The following RNF8 variants were observed in gnomAD, a reference collection of about 807,000 sequenced individuals.
RNF8 encodes the protein ring finger protein 8, also known as E3 ubiquitin-protein ligase RNF8.
A neutral mutation model predicts 59.3 loss-of-function variants in RNF8; 8 were observed. The ratio of observed to expected loss-of-function variants is 0.13; its 90% CI spans 0.08 to 0.24. The LOEUF (loss-of-function observed/expected upper bound fraction) is 0.24, where lower values mean the gene tolerates loss of function less well. RNF8 is among the 10% of genes least tolerant of loss of function. RNF8 has a pLI of 1.00. For missense variants in RNF8, 406 were observed against 572.6 expected, an observed-to-expected ratio of 0.71 and a Z score of 2.97; for synonymous variants, 162 against 200.0, an observed-to-expected ratio of 0.81 and a Z score of 1.60.
In RNF8 at chr6:37,392,161, GTACT is replaced by G. The variant is rs1399957976; in HGVS notation, c.*1408_*1411del. On this transcript the variant is annotated 3_prime_UTR_variant, in exon 8 of 8. Transcript: ENST00000373479. Reference sequence around the variant, plus strand: ...TAAATGTGGAAAAAATGCTTTAAAAGTACTTACTATAACCACATCATAAGAATTC... The same window carrying G: ...TAAATGTGGAAAAAATGCTTTAAAAGTACTATAACCACATCATAAGAATTC... The G allele has an allele frequency of 3.5e-6, 1 of 283,364 alleles. No homozygotes were observed. The highest frequency in any genetic ancestry group is 6.5e-6 in the Non-Finnish European group (1 of 154,172). 17.6% of individuals were successfully genotyped at this position (283,364 alleles called of 1,614,324 possible).
chr6:37,358,263 A>G (rs1401625912), intron 1 of RNF8, among the ~76,000 whole-genome samples: 1 of 152,230 alleles, frequency 6.6e-6, no homozygotes, highest in East Asian at 1.9e-4. Flanking sequence ...ACTAAAGAGT[A>G]GAAGGGCTCA....
In RNF8 at chr6:37,354,144, G is replaced by GC. The variant is rs1562081031; in HGVS notation, c.-16dup. 6 of 1,558,516 alleles carry GC rather than the reference G, an allele frequency of 3.8e-6. No homozygotes were observed. Among genetic ancestry groups the GC allele is most frequent in the Non-Finnish European group, 5.2e-6 (6 of 1,150,788 alleles). On this transcript the variant is annotated 5_prime_UTR_variant, in exon 1 of 8. Coordinates refer to ENST00000373479, the MANE Select transcript of RNF8 (RefSeq NM_003958.4). ...GTCAGGGTCTCGCTCGGTGCTGACC[G>GC]CCCCCGGGGTCGAGTAGGCGATGGG...
chr6:37,364,002 A>G (rs937989200), intron 2 of RNF8, among the ~76,000 whole-genome samples: 1 of 151,854 alleles, frequency 6.6e-6, no homozygotes, highest in Middle Eastern at 3.2e-3. Context: ...ACATGGTGAA[A>G]CCCCGTCTCT....
intron 4 of RNF8, 41 bp downstream of exon 4, chr6:37,371,615 G>T: frequency 1.3e-6 from 2 of 1,550,834 alleles, no homozygotes; most frequent in Admixed American, 3.3e-5. Flanking sequence ...GGGCTGTGGA[G>T]TGGGGAGCAA....
At chr6:37,376,296 T>C (rs938938274) in intron 5 of RNF8, among the ~76,000 whole-genome samples, 1 of 152,200 alleles carries the variant, frequency 6.6e-6, no homozygotes, top group Non-Finnish European at 1.5e-5. Context: ...ATTTGATTAA[T>C]TTTGGGGAAG....
At position 37,392,986 on chromosome 6, in the gene RNF8, T is replaced by G. The variant is rs1452498202; in HGVS notation, c.*2228T>G. 5.1e-6 allele frequency: 1 copy of G among 194,604 alleles called. No homozygotes were observed. Among genetic ancestry groups the G allele is most frequent in the Non-Finnish European group, 1.0e-5 (1 of 97,076 alleles). The allele number at this position is 194,604 out of a possible 1,614,324, so 12.1% of individuals were successfully genotyped here. A position where few individuals can be genotyped will look rare whatever the true frequency, so the allele number is the denominator to read the frequency against. ...GACATCTTGACTTGAGCCTGAAGACTATGTACAGAGACTGACCTCACAGAC... is the reference window on the plus strand; with the variant it reads ...GACATCTTGACTTGAGCCTGAAGACGATGTACAGAGACTGACCTCACAGAC... On this transcript the variant is annotated 3_prime_UTR_variant, in exon 8 of 8. Transcript: ENST00000373479.
chr6:37,376,851 A>C, intron 5 of RNF8, 75 bp from the exon 6 acceptor site: 1 of 872,556 alleles, frequency 1.1e-6, no homozygotes, highest in Non-Finnish European at 2.0e-6. Context: ...CTTCTAAATA[A>C]TTGACCCTGC....
In RNF8 at chr6:37,394,203, G is replaced by C. The variant is rs1333888375; in HGVS notation, c.*3445G>C. ...ATACAGACTTGTTCATAGGTGTGGGGCCTGATTGGAACAGGATCTGCCATT... is the reference window on the plus strand; with the variant it reads ...ATACAGACTTGTTCATAGGTGTGGGCCCTGATTGGAACAGGATCTGCCATT... On this transcript the variant is annotated 3_prime_UTR_variant, in exon 8 of 8. Transcript: ENST00000373479. The C allele has an allele frequency of 6.6e-6, 1 of 152,172 alleles. No individual in the cohort carries two copies. Among genetic ancestry groups the C allele is most frequent in the Admixed American group, 6.5e-5 (1 of 15,280 alleles). 9.4% of individuals were successfully genotyped at this position (152,172 alleles called of 1,614,324 possible).
chr6:37,386,012 T>G (rs2113834556), intron 7 of RNF8, among the ~76,000 whole-genome samples: 1 of 152,132 alleles, frequency 6.6e-6, no homozygotes, highest in South Asian at 2.1e-4. Context: ...TTTTTTGTAT[T>G]TTTTGTAGAG....
chr6:37,364,135 G>A (rs540406869), intron 2 of RNF8, among the ~76,000 whole-genome samples: 1 of 146,678 alleles, frequency 6.8e-6, no homozygotes, highest in Non-Finnish European at 1.5e-5. Context: ...GCCGAGATCA[G>A]GCCATTGCAC....
chr6:37,378,467 G>A (rs1440592579), intron 6 of RNF8, among the ~76,000 whole-genome samples: 2 of 151,908 alleles, frequency 1.3e-5, no homozygotes, highest in African/African-American at 2.4e-5. Context: ...CAAGCATGGT[G>A]GCATGCACCT....
chr6:37,384,358 C>G (rs1395148618), intron 7 of RNF8, among the ~76,000 whole-genome samples: 1 of 152,102 alleles, frequency 6.6e-6, no homozygotes, highest in African/African-American at 2.4e-5. Context: ...CCAGGCTGGT[C>G]TCCCAACTCC....
intron 6 of RNF8, among the ~76,000 whole-genome samples, chr6:37,377,960 G>A (rs966332910): frequency 1.3e-5 from 2 of 152,296 alleles, no homozygotes; most frequent in South Asian, 2.1e-4. Context: ...GACCACAGAT[G>A]TTAAATTCAA....
chr6:37,374,873 T>G (rs1018285069), intron 5 of RNF8, among the ~76,000 whole-genome samples, 164 bp downstream of exon 5: 7 of 152,252 alleles, frequency 4.6e-5, no homozygotes, highest in African/African-American at 1.4e-4. Context: ...AGGTTCTGCC[T>G]GTCAGACAAC....
chr6:37,366,985 T>C (rs1769582634), intron 2 of RNF8, among the ~76,000 whole-genome samples: 1 of 152,228 alleles, frequency 6.6e-6, no homozygotes, highest in South Asian at 2.1e-4. Flanking sequence ...CATTTGCTCA[T>C]TTGTGCCCTT....
intron 2 of RNF8, chr6:37,361,486 C>A: frequency 2.7e-6 from 1 of 369,646 alleles, no homozygotes; most frequent in Non-Finnish European, 5.3e-6. Flanking sequence ...CTGTCGCTAT[C>A]AAAAAGAAAA....
chr6:37,359,315 C>T (rs1769231011), intron 1 of RNF8: 1 of 393,616 alleles, frequency 2.5e-6, no homozygotes, highest in Admixed American at 3.4e-5. Flanking sequence ...AATGCAAAGA[C>T]TTTTGGTTGA....
chr6:37,360,691 C>T lies in RNF8; in HGVS notation c.240+117C>T, dbSNP rs1446409806. ...AAAGTATAACTTCTTCTTTCCTAGC[C>T]ATCCAGTTCCCTTTTCCAGAGGCAG... On this transcript the variant is annotated intron_variant, in intron 2 of 7. Coordinates refer to ENST00000373479, the MANE Select transcript of RNF8 (RefSeq NM_003958.4). The surrounding 1 kb of genome is among the most constrained non-coding windows in gnomAD (Gnocchi z 4.2). 2 of 1,027,170 alleles carry T rather than the reference C, an allele frequency of 1.9e-6. No homozygotes were observed. Among genetic ancestry groups the T allele is most frequent in the Admixed American group, 2.9e-5 (1 of 34,126 alleles). 63.6% of individuals were successfully genotyped at this position (1,027,170 alleles called of 1,614,324 possible).
At chr6:37,364,178 CAAAAAAAA>C (rs35915593) in intron 2 of RNF8, among the ~76,000 whole-genome samples, 1 of 82,320 alleles carries the variant, frequency 1.2e-5, no homozygotes, top group African/African-American at 5.0e-5. Context: ...GACTCTGTCT[CAAAAAAAA>C]AAAAAAAAAA....
Sources: gnomAD v4.1 joint callset for allele counts (sites outside exome capture counted in the v4.1 genomes callset) on GRCh38, gnomAD v4.1.1 for gene constraint, Gnocchi (gnomAD v3.1) non-coding constraint, MANE v1.5 for transcripts, NCBI Gene and HGNC (gene_info 2026-07-23, HGNC 2026-07-21) for gene names.